Variants in ABHD18 observed in about 807,000 individuals in gnomAD.
The protein encoded by ABHD18 is cardiolipin-specific deacylase, mitochondrial.
Under a neutral mutation model 65.9 loss-of-function variants are expected in ABHD18, and 55 were observed. That is an observed-to-expected ratio of 0.84 (90% CI 0.67 to 1.05). ABHD18 has a LOEUF of 1.05. Ranked by LOEUF, ABHD18 falls within the 50% of genes least tolerant of loss-of-function variation. The pLI is 0.00. For synonymous variants in ABHD18, 181 were observed against 180.2 expected (o/e 1.00, Z -0.04); for missense variants, 533 against 558.5 (o/e 0.95, Z 0.46).
rs147746224 is a variant in ABHD18, at chr4:128,003,713, A to G, written c.279-5207A>G. On this transcript the variant is annotated intron_variant, in intron 4 of 12. Transcript: ENST00000645843. ...GTATGTATATTTTAATTTTTAAACA[A>G]TTTTATTGAGGTACATTTTACATAT... is the stretch of plus-strand genomic sequence containing the variant. 1.3e-3 allele frequency among the ~76,000 whole-genome samples: 194 copies of G among 152,152 alleles called. 1 individual carries two copies. The highest frequency in any genetic ancestry group is 4.5e-3 in the African/African-American group (188 of 41,550).
intron 1 of ABHD18, among the ~76,000 whole-genome samples, chr4:127,971,482 CTTTTTTTT>C (rs1156788634): frequency 1.2e-4 from 6 of 51,906 alleles, no homozygotes; most frequent in African/African-American, 3.0e-4. Context: ...CCAGAGTTGG[CTTTTTTTT>C]TTTTTTTTTT....
In ABHD18 at chr4:128,017,457, G is replaced by C; in HGVS notation, c.565G>C (p.Gly189Arg). Residue 189 changes from glycine (G) to arginine (R), a missense_variant, in exon 8 of 13, where the codon GGT becomes CGT. By Grantham distance (125) the Gly-to-Arg change is moderately radical. Coordinates refer to ENST00000645843, the MANE Select transcript of ABHD18 (RefSeq NM_001358451.3). ...TCTCTTGCACTGGCTAGAGAGGGAAGGTTACGGCCCTTTAGGAATGACTGG... is the reference window on the plus strand; with the variant it reads ...TCTCTTGCACTGGCTAGAGAGGGAACGTTACGGCCCTTTAGGAATGACTGG... ...AALLHWLERE[G>R]YGPLGMTGIS... 1 of 1,613,590 alleles carries C rather than the reference G, an allele frequency of 6.2e-7. No individual in the cohort carries two copies. Among genetic ancestry groups the C allele is most frequent in the Non-Finnish European group, 8.5e-7 (1 of 1,179,716 alleles).
intron 4 of ABHD18, among the ~76,000 whole-genome samples, chr4:128,001,042 G>A (rs2149110689): frequency 6.6e-6 from 1 of 152,304 alleles, no homozygotes; most frequent in Admixed American, 6.5e-5. Flanking sequence ...TTCTGGCAGA[G>A]TCTGTGGGGT....
chr4:127,977,044 GAAAA>G (rs920784616), intron 1 of ABHD18, among the ~76,000 whole-genome samples: 4 of 147,386 alleles, frequency 2.7e-5, no homozygotes, highest in Admixed American at 6.8e-5. Flanking sequence ...CCATCTCAGA[GAAAA>G]AAAAAACTAA....
chr4:128,000,614 T>C (rs1283055375), intron 4 of ABHD18, among the ~76,000 whole-genome samples: 1 of 152,192 alleles, frequency 6.6e-6, no homozygotes, highest in Admixed American at 6.5e-5. Context: ...TGGTGATTCA[T>C]GCTCTTTTTT....
intron 3 of ABHD18, 22 bp from the exon 4 acceptor site, chr4:127,989,699 C>G: frequency 6.7e-7 from 1 of 1,491,498 alleles, no homozygotes; most frequent in Non-Finnish European, 9.1e-7. Flanking sequence ...TTGCATACAT[C>G]TTGGTTTTGA....
chr4:127,968,166 C>T (rs1203925810), intron 1 of ABHD18, among the ~76,000 whole-genome samples: 4 of 152,194 alleles, frequency 2.6e-5, no homozygotes, highest in African/African-American at 7.2e-5. Context: ...GCCGAGATTG[C>T]GCCACTGCAC....
In ABHD18 at chr4:128,039,561, A is replaced by G. The variant is rs936732221; in HGVS notation, c.*3748A>G. 5 of 152,286 alleles carry G rather than the reference A, an allele frequency of 3.3e-5. No homozygotes were observed. Among genetic ancestry groups the G allele is most frequent in the Middle Eastern group, 3.4e-3 (1 of 294 alleles). The allele number at this position is 152,286 out of a possible 1,614,324, so 9.4% of individuals were successfully genotyped here. ...GTAATTACTATTAAGTCATTTTAGC[A>G]TGTGCATTTTAGAGTCCTTCTTTGT... is the stretch of plus-strand genomic sequence containing the variant. On this transcript the variant is annotated 3_prime_UTR_variant, in exon 13 of 13. Coordinates refer to ENST00000645843, the MANE Select transcript of ABHD18 (RefSeq NM_001358451.3).
At chr4:128,021,655 AAAAT>A (rs1756522017) in intron 10 of ABHD18, among the ~76,000 whole-genome samples, 1 of 152,184 alleles carries the variant, frequency 6.6e-6, no homozygotes, top group Admixed American at 6.5e-5. Flanking sequence ...CTCTGTCTTA[AAAAT>A]AAATAAATAA....
At chr4:127,997,892 G>A (rs1018946619) in intron 4 of ABHD18, among the ~76,000 whole-genome samples, 1 of 138,984 alleles carries the variant, frequency 7.2e-6, no homozygotes, top group Non-Finnish European at 1.6e-5. Context: ...TTTTTTGTTT[G>A]TTTGTTTTTT....
At chr4:127,981,733 CA>C (rs1749090885) in intron 1 of ABHD18, among the ~76,000 whole-genome samples, 1 of 151,980 alleles carries the variant, frequency 6.6e-6, no homozygotes, top group South Asian at 2.1e-4. Context: ...ATATGCAATA[CA>C]TTTTTTTGAA....
chr4:128,020,561 C>T (rs1262327786), intron 9 of ABHD18, among the ~76,000 whole-genome samples: 5 of 152,160 alleles, frequency 3.3e-5, no homozygotes, highest in African/African-American at 7.2e-5. Flanking sequence ...GCCTAGCATG[C>T]ACCAAAAATT....
chr4:128,010,929 A>C (rs1380282892), intron 6 of ABHD18, among the ~76,000 whole-genome samples: 1 of 150,378 alleles, frequency 6.6e-6, no homozygotes, highest in African/African-American at 2.4e-5. Context: ...AAAACCGTGG[A>C]TAAAGAGAAA....
intron 12 of ABHD18, among the ~76,000 whole-genome samples, chr4:128,031,890 C>T (rs1047269671): frequency 6.6e-6 from 1 of 152,088 alleles, no homozygotes; most frequent in Admixed American, 6.6e-5. Context: ...ACTCATTGGC[C>T]CTCTGGCACA....
intron 1 of ABHD18, among the ~76,000 whole-genome samples, chr4:127,980,593 G>A: frequency 6.6e-6 from 1 of 151,300 alleles, no homozygotes; most frequent in South Asian, 2.1e-4. Flanking sequence ...AGAGGCCAAG[G>A]CGGACGGATA....
chr4:128,015,968 T>G (rs1411876123), intron 7 of ABHD18, among the ~76,000 whole-genome samples: 1 of 149,756 alleles, frequency 6.7e-6, no homozygotes, highest in East Asian at 1.9e-4. Flanking sequence ...TTTTTTTTTT[T>G]TTGAGATGGA....
intron 4 of ABHD18, among the ~76,000 whole-genome samples, chr4:128,004,889 G>A (rs969385448): frequency 4.0e-5 from 6 of 151,140 alleles, no homozygotes; most frequent in African/African-American, 7.3e-5. Flanking sequence ...CAGCCTGGGC[G>A]ACAGAATGAG....
intron 4 of ABHD18, among the ~76,000 whole-genome samples, chr4:127,992,863 T>G: frequency 6.6e-6 from 1 of 152,048 alleles, no homozygotes; most frequent in African/African-American, 2.4e-5. Flanking sequence ...TTAGATATGC[T>G]TTATCTTATT....
At chr4:128,011,751 A>G in intron 7 of ABHD18, 51 bp downstream of exon 7, 1 of 1,432,844 alleles carries the variant, frequency 7.0e-7, no homozygotes. Context: ...AATATCCAGC[A>G]GTATTAAAAT....
Sources: gnomAD v4.1 joint callset for allele counts (sites outside exome capture counted in the v4.1 genomes callset) on GRCh38, gnomAD v4.1.1 for gene constraint, MANE v1.5 for transcripts, NCBI Gene and HGNC (gene_info 2026-07-23, HGNC 2026-07-21) for gene names.